The following ABHD12 variants were observed in gnomAD, a reference collection of about 807,000 sequenced individuals.
ABHD12 encodes the protein abhydrolase domain containing 12, lysophospholipase.
In ABHD12, 43 loss-of-function variants were observed where a neutral mutation model predicts 58.3. The ratio of observed to expected loss-of-function variants is 0.74; its 90% CI spans 0.58 to 0.95. ABHD12 has a LOEUF of 0.95. Among genes scored for constraint, ABHD12 ranks in the 40% least tolerant of loss-of-function variants. The pLI, the probability that ABHD12 is intolerant of heterozygous loss-of-function variation, is 0.00. For missense variants in ABHD12, 539 were observed against 537.2 expected, an observed-to-expected ratio of 1.00 and a Z score of -0.03; for synonymous variants, 219 against 211.2, an observed-to-expected ratio of 1.04 and a Z score of -0.32.
chr20:25,330,230 C>G (rs2089247413), intron 2 of ABHD12, among the ~76,000 whole-genome samples: 1 of 152,218 alleles, frequency 6.6e-6, no homozygotes, highest in Admixed American at 6.5e-5. Flanking sequence ...CGGGTCACTC[C>G]CACCCGAATA....
intron 1 of ABHD12, among the ~76,000 whole-genome samples, chr20:25,388,131 T>C (rs181330957): frequency 3.7e-3 from 321 of 87,700 alleles, no homozygotes; most frequent in Non-Finnish European, 5.1e-3. Flanking sequence ...CACTGAAAAC[T>C]TTTAAGTGAT....
intron 1 of ABHD12, among the ~76,000 whole-genome samples, chr20:25,362,647 A>G (rs2089767198): frequency 6.7e-6 from 1 of 148,448 alleles, no homozygotes; most frequent in Non-Finnish European, 1.5e-5. Flanking sequence ...GGACTCCATG[A>G]GTTTTGAGAA....
In ABHD12 at chr20:25,302,362, TCAGAGC is replaced by T; in HGVS notation, c.1030-22_1030-17del. 6.2e-7 allele frequency: 1 copy of T among 1,609,150 alleles called. No homozygotes were observed. Among genetic ancestry groups the T allele is most frequent in the Non-Finnish European group, 8.5e-7 (1 of 1,176,948 alleles). Reference sequence around the variant, plus strand: ...TGCTATAGAGCTGGGGAGAGAGGGGTCAGAGCCTGAGGCAGTGGCCTGGCATGGGGG... The same window carrying T: ...TGCTATAGAGCTGGGGAGAGAGGGGTCTGAGGCAGTGGCCTGGCATGGGGG... On this transcript the variant is annotated splice_polypyrimidine_tract_variant and intron_variant, in intron 11 of 12. Coordinates refer to ENST00000339157, the MANE Select transcript of ABHD12 (RefSeq NM_001042472.3).
chr20:25,323,425 CT>C lies in ABHD12; in HGVS notation c.321del (p.Val108PhefsTer7). On this transcript the variant is annotated frameshift_variant, in exon 3 of 13. Transcript: ENST00000339157. LOFTEE classifies it high-confidence loss of function. ...QAKLIFLNFV[R>X]VPYFIDLKKP... ...TTTTTCAAATCAATGAAATAGGGAA[CT>C]CTTACTGTAGGAAATAAAGAGATGG... 6.3e-7 allele frequency: 1 copy of C among 1,598,022 alleles called. No homozygotes were observed. Among genetic ancestry groups the C allele is most frequent in the African/African-American group, 1.3e-5 (1 of 74,732 alleles).
intron 1 of ABHD12, among the ~76,000 whole-genome samples, chr20:25,377,707 GTTTGT>G (rs1338418097): frequency 6.6e-6 from 1 of 152,042 alleles, no homozygotes; most frequent in Non-Finnish European, 1.5e-5. Context: ...TTTTTTGTTT[GTTTGT>G]TTTGAGATGG....
chr20:25,334,283 C>T (rs1279423190), intron 2 of ABHD12, among the ~76,000 whole-genome samples: 1 of 151,132 alleles, frequency 6.6e-6, no homozygotes, highest in Non-Finnish European at 1.5e-5. Flanking sequence ...AACTACAAAC[C>T]ACTACTCAAG....
intron 1 of ABHD12, among the ~76,000 whole-genome samples, chr20:25,365,127 C>T (rs978589669): frequency 9.2e-5 from 14 of 152,240 alleles, no homozygotes; most frequent in African/African-American, 3.4e-4. Context: ...AAGATTAATA[C>T]TCTACATGCT....
chr20:25,336,144 CT>C (rs2089364778), intron 2 of ABHD12, among the ~76,000 whole-genome samples: 1 of 152,008 alleles, frequency 6.6e-6, no homozygotes, highest in African/African-American at 2.4e-5. Flanking sequence ...ATCCAAACAT[CT>C]TTTGGATGGA....
chr20:25,385,617 G>A (rs1163030033), intron 1 of ABHD12, among the ~76,000 whole-genome samples: 2 of 151,972 alleles, frequency 1.3e-5, no homozygotes, highest in African/African-American at 4.8e-5. Flanking sequence ...GGACAGAGGT[G>A]GAAGGACTGC....
chr20:25,319,415 G>A (rs1304209226), intron 4 of ABHD12, among the ~76,000 whole-genome samples: 1 of 152,200 alleles, frequency 6.6e-6, no homozygotes, highest in Non-Finnish European at 1.5e-5. Flanking sequence ...GTTAGGGTGA[G>A]CAGAGAGCTC....
At chr20:25,348,735 C>A (rs1427025690) in intron 1 of ABHD12, among the ~76,000 whole-genome samples, 1 of 152,140 alleles carries the variant, frequency 6.6e-6, no homozygotes, top group Non-Finnish European at 1.5e-5. Flanking sequence ...AGAATTACAT[C>A]CCTGAAAGCC....
intron 1 of ABHD12, among the ~76,000 whole-genome samples, chr20:25,345,659 G>C (rs2089508763): frequency 6.6e-6 from 1 of 152,180 alleles, no homozygotes; most frequent in African/African-American, 2.4e-5. Flanking sequence ...CCTCTCCAAA[G>C]AAGATACACA....
chr20:25,330,291 C>T (rs574665761), intron 2 of ABHD12, among the ~76,000 whole-genome samples: 3 of 152,366 alleles, frequency 2.0e-5, no homozygotes, highest in South Asian at 2.1e-4. Flanking sequence ...GATTATATCC[C>T]GCACATGGCT....
chr20:25,317,045 C>G lies in ABHD12; in HGVS notation c.573+3G>C. Reference sequence around the variant, plus strand: ...AACAGGTGTGGGTGCTGCCTGCACTCACCTTGTAAAGCTCCACGCGGTGGT... The same window carrying G: ...AACAGGTGTGGGTGCTGCCTGCACTGACCTTGTAAAGCTCCACGCGGTGGT... On this transcript the variant is annotated splice_donor_region_variant and intron_variant, in intron 5 of 12. Coordinates refer to ENST00000339157, the MANE Select transcript of ABHD12 (RefSeq NM_001042472.3). The G allele has an allele frequency of 1.9e-6, 3 of 1,612,980 alleles. No homozygotes were observed. The highest frequency in any genetic ancestry group is 2.5e-6 in the Non-Finnish European group (3 of 1,179,566).
At chr20:25,298,008 G>C (rs200516855), downstream of ABHD12, 3 of 147,116 alleles carry the variant, frequency 2.0e-5, no homozygotes, top group African/African-American at 7.6e-5. Context: ...GCTGTGGTTG[G>C]CTGACATGGG....
At chr20:25,305,670 C>CT (rs777044134) in intron 10 of ABHD12, among the ~76,000 whole-genome samples, 2 of 152,120 alleles carry the variant, frequency 1.3e-5, no homozygotes, top group South Asian at 2.1e-4. Context: ...CTACTTCCCT[C>CT]TTTTTTTAAA....
At chr20:25,368,491 T>G in intron 1 of ABHD12, 1 of 1,540,452 alleles carries the variant, frequency 6.5e-7, no homozygotes. Context: ...TGCTAGGACC[T>G]GTATGCTTTA....
intron 1 of ABHD12, among the ~76,000 whole-genome samples, chr20:25,374,751 C>T (rs185349058): frequency 7.2e-5 from 11 of 152,220 alleles, no homozygotes; most frequent in South Asian, 2.1e-4. Flanking sequence ...CCTCCCGCCT[C>T]GGCCTCCCAA....
intron 1 of ABHD12, among the ~76,000 whole-genome samples, chr20:25,388,038 CAAAAAAA>C (rs748581834): frequency 5.2e-5 from 3 of 58,118 alleles, no homozygotes; most frequent in African/African-American, 1.8e-4. Flanking sequence ...GACTCCTTCT[CAAAAAAA>C]AAAAAAAAAA....
Sources: allele counts gnomAD v4.1 joint callset (sites outside exome capture counted in the v4.1 genomes callset), GRCh38; gene constraint gnomAD v4.1.1; transcripts MANE v1.5; gene names NCBI Gene and HGNC (gene_info 2026-07-23, HGNC 2026-07-21).